Variants in ITGA11 observed in about 807,000 individuals in gnomAD.
The protein encoded by ITGA11 is integrin alpha-11.
A neutral mutation model predicts 141.9 loss-of-function variants in ITGA11; 97 were observed. That is an observed-to-expected ratio of 0.68 (90% CI 0.58 to 0.81). The LOEUF (loss-of-function observed/expected upper bound fraction) is 0.81. ITGA11 is among the 30% of genes least tolerant of loss of function. ITGA11 has a pLI of 0.00. For missense variants in ITGA11, 1,387 were observed against 1,559.2 expected (o/e 0.89, Z 1.86); for synonymous variants, 658 against 624.6 (o/e 1.05, Z -0.80).
chr15:68,347,014 A>G (rs963392103), intron 10 of ITGA11, among the ~76,000 whole-genome samples: 1 of 152,250 alleles, frequency 6.6e-6, no homozygotes, highest in Admixed American at 6.5e-5. Flanking sequence ...ATTGTTTACA[A>G]GTTGACTCCT....
chr15:68,418,982 GAACT>G (rs2140434063), intron 1 of ITGA11, among the ~76,000 whole-genome samples: 1 of 152,142 alleles, frequency 6.6e-6, no homozygotes, highest in South Asian at 2.1e-4. Flanking sequence ...AGGACTCAGA[GAACT>G]ACTGGGCCAG....
intron 9 of ITGA11, among the ~76,000 whole-genome samples, chr15:68,349,810 C>T (rs1033842614): frequency 3.9e-5 from 6 of 152,124 alleles, no homozygotes; most frequent in African/African-American, 1.4e-4. Context: ...ATAAAAAATG[C>T]TTTTGGTGGA....
At chr15:68,355,523 C>T (rs1167159347) in intron 7 of ITGA11, among the ~76,000 whole-genome samples, 4 of 151,588 alleles carry the variant, frequency 2.6e-5, no homozygotes, top group Admixed American at 6.6e-5. Flanking sequence ...CTTGGCTCAC[C>T]GCAGCCTCTG....
chr15:68,403,818 A>T (rs541384539), intron 1 of ITGA11, among the ~76,000 whole-genome samples: 118 of 152,028 alleles, frequency 7.8e-4, no homozygotes, highest in African/African-American at 2.7e-3. Context: ...TTTATTTTTT[A>T]GTAGAGACAG....
At chr15:68,338,904 C>T (rs553978441) in intron 11 of ITGA11, among the ~76,000 whole-genome samples, 23 of 152,294 alleles carry the variant, frequency 1.5e-4, no homozygotes, top group African/African-American at 5.5e-4. Flanking sequence ...TAGAAAGGAA[C>T]AAGCCATGGC....
chr15:68,358,237 G>C (rs758893038), intron 6 of ITGA11, among the ~76,000 whole-genome samples: 2 of 152,168 alleles, frequency 1.3e-5, no homozygotes, highest in African/African-American at 4.8e-5. Flanking sequence ...TCTTGTGTCT[G>C]ACCCGTGAAG....
rs1322385791 is a variant in ITGA11 at position 68,307,692 on chromosome 15, T to C, written c.3179A>G (p.His1060Arg). The change falls in exon 27 of 30, where the codon CAC (histidine) becomes CGC (arginine). Residue 1060 changes from histidine to arginine, a missense_variant. His to Arg is a conservative substitution (Grantham distance 29). Coordinates refer to ENST00000315757, the MANE Select transcript of ITGA11 (RefSeq NM_001004439.2). This position sits in a 1 kb window ranked among gnomAD's most constrained non-coding sequence, Gnocchi z 6.1. ...GATGGAGACGACATCAGAGTTGCTG[T>C]GATTCTGAAAGAGAAGATGGGTCTC... The part of the protein sequence containing the change: ...EDLRRAPQLN[H>R]SNSDVVSINC... The C allele has an allele frequency of 1.2e-6, 2 of 1,611,684 alleles. No homozygotes were observed. The highest frequency in any genetic ancestry group is 1.1e-5 in the South Asian group (1 of 90,934).
intron 10 of ITGA11, among the ~76,000 whole-genome samples, chr15:68,345,005 T>G (rs902627096): frequency 6.6e-6 from 1 of 151,994 alleles, no homozygotes; most frequent in Non-Finnish European, 1.5e-5. Flanking sequence ...TTTCTCCCTC[T>G]GCATCTTCCC....
Position 68,335,690 on chromosome 15 carries a change from C to T in ITGA11, c.1425+7G>A. 6.2e-7 allele frequency: 1 copy of T among 1,613,340 alleles called. No homozygotes were observed. The highest frequency in any genetic ancestry group is 1.1e-5 in the South Asian group (1 of 90,842). On this transcript the variant is annotated splice_region_variant and intron_variant, in intron 12 of 29. Transcript: ENST00000315757. The surrounding 1 kb of genome is among the most constrained non-coding windows in gnomAD (Gnocchi z 4.9). ...TCCATCCCGGCCCCAGGCTCCCCCT[C>T]CATTACCTGCTGGCCCCGCATAGCC...
chr15:68,420,578 T>A (rs975721249), intron 1 of ITGA11, among the ~76,000 whole-genome samples: 1 of 152,178 alleles, frequency 6.6e-6, no homozygotes, highest in Non-Finnish European at 1.5e-5. Flanking sequence ...TATACCTACC[T>A]AGTAGCCTGG....
chr15:68,297,429 G>T lies in ITGA11; in HGVS notation c.*5630C>A. On this transcript the variant is annotated 3_prime_UTR_variant, in exon 30 of 30. Coordinates refer to ENST00000315757, the MANE Select transcript of ITGA11 (RefSeq NM_001004439.2). Reference sequence around the variant, plus strand: ...GACATCTGTACAGTTCTGCACTTCTGAGCTTTTTTTTTTTTTTTTTTTTTA... The same window carrying T: ...GACATCTGTACAGTTCTGCACTTCTTAGCTTTTTTTTTTTTTTTTTTTTTA... The T allele has an allele frequency of 7.6e-6, 1 of 131,676 alleles. No homozygotes were observed. The highest frequency in any genetic ancestry group is 2.6e-4 in the East Asian group (1 of 3,916). The allele number at this position is 131,676 out of a possible 1,614,324, so 8.2% of individuals were successfully genotyped here.
rs75182584 is a variant in ITGA11, at chr15:68,331,466, G to A, written c.1771-355C>T. On this transcript the variant is annotated intron_variant, in intron 14 of 29. Coordinates refer to ENST00000315757, the MANE Select transcript of ITGA11 (RefSeq NM_001004439.2). ...ATCCTCAGGGGACGGGACCCGAGACGGGTTGGTTTTGAGGTGGGCATGGTT... is the reference window on the plus strand; with the variant it reads ...ATCCTCAGGGGACGGGACCCGAGACAGGTTGGTTTTGAGGTGGGCATGGTT... Among the ~76,000 whole-genome samples the A allele has an allele frequency of 3.0e-3, 456 of 152,162 alleles. 3 individuals are homozygous for A. The highest frequency in any genetic ancestry group is 0.01 in the African/African-American group (426 of 41,518).
chr15:68,431,358 C>G (rs1566948401), intron 1 of ITGA11, among the ~76,000 whole-genome samples: 1 of 152,238 alleles, frequency 6.6e-6, no homozygotes. Context: ...TGCCGGGTCC[C>G]TACCCCGGGT....
chr15:68,371,579 G>T (rs534447535), intron 2 of ITGA11, among the ~76,000 whole-genome samples: 2 of 152,056 alleles, frequency 1.3e-5, no homozygotes, highest in East Asian at 1.9e-4. Context: ...GTAGCTGGGC[G>T]TGGTGGTGGG....
chr15:68,396,966 A>ATAAATTATTTATTAT lies in ITGA11; in HGVS notation c.164+5951_164+5952insATAATAAATAATTTA, dbSNP rs1567156496. 4.7e-4 allele frequency among the ~76,000 whole-genome samples: 2 copies of ATAAATTATTTATTAT among 4,216 alleles called. 1 individual carries two copies. The highest frequency in any genetic ancestry group is 2.8e-3 in the African/African-American group (2 of 708). 2.8% of individuals were successfully genotyped at this position (4,216 alleles called of 152,430 possible). On this transcript the variant is annotated intron_variant, in intron 2 of 29. Transcript: ENST00000315757. ...ATTATATATTATTTATTATATAATA[A>ATAAATTATTTATTAT]ATAATATATTATATATTATTTATTA... is the stretch of plus-strand genomic sequence containing the variant.
chr15:68,337,511 C>A (rs2140311836), intron 11 of ITGA11, among the ~76,000 whole-genome samples: 1 of 152,268 alleles, frequency 6.6e-6, no homozygotes, highest in Middle Eastern at 3.4e-3. Flanking sequence ...CACTGGATGA[C>A]TCCTAGACGG....
rs1595868268 is a variant in ITGA11, at chr15:68,342,742, A to G, written c.1132-3098T>C. ...GGGGCAGGTTTGTGCCCTAGGTGAT[A>G]TTTGCTTGTTACAGCTGGGGGTAGT... is the stretch of plus-strand genomic sequence containing the variant. On this transcript the variant is annotated intron_variant, in intron 10 of 29. Transcript: ENST00000315757. 3.9e-5 allele frequency among the ~76,000 whole-genome samples: 6 copies of G among 152,100 alleles called. No individual in the cohort carries two copies. In the South Asian group the frequency reaches 1.2e-3, roughly 32 times the overall value.
chr15:68,352,092 ACAAACAAC>A (rs113868130), intron 7 of ITGA11, among the ~76,000 whole-genome samples: 6,144 of 46,256 alleles, frequency 0.13, 247 homozygotes, highest in African/African-American at 0.25. Flanking sequence ...AAACAAACAA[ACAAACAAC>A]CAAACAAACA....
At chr15:68,384,217 C>T (rs565315134) in intron 2 of ITGA11, among the ~76,000 whole-genome samples, 1 of 149,470 alleles carries the variant, frequency 6.7e-6, no homozygotes, top group South Asian at 2.1e-4. Flanking sequence ...CCTGGACCCT[C>T]ACTGACATCT....
Sources: allele counts gnomAD v4.1 joint callset (sites outside exome capture counted in the v4.1 genomes callset), GRCh38; gene constraint gnomAD v4.1.1; non-coding constraint Gnocchi (gnomAD v3.1); transcripts MANE v1.5; gene names NCBI Gene and HGNC (gene_info 2026-07-23, HGNC 2026-07-21).